Variants in LARGE1 observed in about 807,000 individuals in gnomAD.
LARGE1 encodes LARGE xylosyl- and glucuronyltransferase 1.
LARGE1 carries 43 observed loss-of-function variants against 87.6 expected under a neutral mutation model. The ratio of observed to expected loss-of-function variants is 0.49; its 90% CI spans 0.38 to 0.63. LARGE1 has a LOEUF of 0.63. Ranked by LOEUF, LARGE1 falls within the 30% of genes least tolerant of loss-of-function variation. The probability of loss-of-function intolerance (pLI) is 0.00; values close to 1 mark genes in which losing one functional copy is unlikely to be tolerated. For missense variants in LARGE1, 802 were observed against 1,000.2 expected (o/e 0.80, Z 2.67); for synonymous variants, 434 against 394.6 (o/e 1.10, Z -1.18).
intron 6 of LARGE1, among the ~76,000 whole-genome samples, chr22:33,560,477 C>T (rs956643668): frequency 6.6e-6 from 1 of 152,162 alleles, no homozygotes; most frequent in Non-Finnish European, 1.5e-5. Flanking sequence ...GGCATCTGTG[C>T]TTATGGATCA....
chr22:33,069,882 T>A, the LARGE1 span, among the ~76,000 whole-genome samples: 3 of 150,396 alleles, frequency 2.0e-5, no homozygotes, highest in East Asian at 5.9e-4. Flanking sequence ...CAATGGCGCG[T>A]TCTTGGCTCA....
At chr22:33,094,007 C>A in the LARGE1 span, among the ~76,000 whole-genome samples, 24 of 151,810 alleles carry the variant, frequency 1.6e-4, no homozygotes, top group African/African-American at 5.6e-4. Context: ...CTGCCTCGGT[C>A]TCCCAAAGTG....
chr22:33,071,129 C>T, the LARGE1 span, among the ~76,000 whole-genome samples: 1 of 152,204 alleles, frequency 6.6e-6, no homozygotes, highest in Non-Finnish European at 1.5e-5. Context: ...CAGCCTCTGA[C>T]AAATCCTGCA....
intron 6 of LARGE1, among the ~76,000 whole-genome samples, chr22:33,490,621 A>T (rs908182439): frequency 6.6e-6 from 1 of 152,208 alleles, no homozygotes; most frequent in Non-Finnish European, 1.5e-5. Flanking sequence ...AGTCAGATCA[A>T]TCTGATAGTG....
At chr22:33,597,185 C>T (rs1184504433) in intron 5 of LARGE1, among the ~76,000 whole-genome samples, 1 of 151,372 alleles carries the variant, frequency 6.6e-6, no homozygotes, top group African/African-American at 2.4e-5. Context: ...AGCCAGAAAA[C>T]CCAGATCCCA....
At chr22:33,848,680 C>G in intron 1 of LARGE1, among the ~76,000 whole-genome samples, 1 of 152,168 alleles carries the variant, frequency 6.6e-6, no homozygotes, top group Admixed American at 6.6e-5. Context: ...TATGCCTATC[C>G]CCCAATTAAA....
At chr22:33,083,362 C>A in the LARGE1 span, among the ~76,000 whole-genome samples, 1 of 152,322 alleles carries the variant, frequency 6.6e-6, no homozygotes, top group East Asian at 1.9e-4. Flanking sequence ...GGACTCCCTG[C>A]TGATGGAATT....
At chr22:33,428,472 C>T (rs1346478246) in intron 7 of LARGE1, among the ~76,000 whole-genome samples, 4 of 151,446 alleles carry the variant, frequency 2.6e-5, no homozygotes, top group Admixed American at 1.3e-4. Flanking sequence ...CACCACCATG[C>T]CCAGCTAATT....
intron 1 of LARGE1, among the ~76,000 whole-genome samples, chr22:33,914,330 G>A (rs2065723765): frequency 6.6e-6 from 1 of 152,106 alleles, no homozygotes; most frequent in Admixed American, 6.5e-5. Context: ...TCCCCTACAA[G>A]GTAATCTCCC....
intron 1 of LARGE1, among the ~76,000 whole-genome samples, chr22:33,889,689 C>T (rs1053296656): frequency 6.6e-6 from 1 of 152,148 alleles, no homozygotes; most frequent in Non-Finnish European, 1.5e-5. Context: ...GCAAGCAATA[C>T]TCACGGAGGC....
chr22:33,790,247 C>T (rs1175653877), intron 1 of LARGE1, among the ~76,000 whole-genome samples: 1 of 152,194 alleles, frequency 6.6e-6, no homozygotes, highest in Admixed American at 6.5e-5. Context: ...TGTTCATTCA[C>T]CTTCTGCCAT....
intron 5 of LARGE1, among the ~76,000 whole-genome samples, chr22:33,577,094 A>T (rs1193642510): frequency 1.3e-5 from 2 of 152,188 alleles, no homozygotes; most frequent in Non-Finnish European, 2.9e-5. Context: ...CGCAAGTGGA[A>T]AAAAAGATTT....
At chr22:33,727,333 C>T (rs938830191) in intron 2 of LARGE1, among the ~76,000 whole-genome samples, 3 of 152,200 alleles carry the variant, frequency 2.0e-5, no homozygotes, top group Non-Finnish European at 4.4e-5. Flanking sequence ...GTGATCCATT[C>T]ACCATCTGAT....
chr22:33,556,575 GC>G (rs2077695159), intron 6 of LARGE1, among the ~76,000 whole-genome samples: 1 of 60,616 alleles, frequency 1.6e-5, no homozygotes. Flanking sequence ...AGGCAGGCAG[GC>G]AGGCAGGCAG....
exon 12 of LARGE1, chr22:33,166,805 G>C (rs1356386065): frequency 2.1e-6 from 1 of 471,550 alleles, no homozygotes; most frequent in Non-Finnish European, 4.4e-6. Context: ...AGCTGATGAT[G>C]GGAGATAGGG....
intron 9 of LARGE1, among the ~76,000 whole-genome samples, chr22:33,356,994 A>G (rs1419358935): frequency 6.6e-6 from 1 of 152,222 alleles, no homozygotes; most frequent in Non-Finnish European, 1.5e-5. Context: ...CTACCATTCA[A>G]TCTCACAATC....
chr22:33,794,908 CCGTGCCCGG>C (rs144930439), intron 1 of LARGE1, among the ~76,000 whole-genome samples: 28,574 of 152,118 alleles, frequency 0.19, 3,304 homozygotes, highest in Admixed American at 0.33. Flanking sequence ...TCGTGAGTCA[CCGTGCCCGG>C]CCTTAAAATG....
At chr22:33,863,044 C>A (rs1208348860) in intron 1 of LARGE1, among the ~76,000 whole-genome samples, 1 of 152,132 alleles carries the variant, frequency 6.6e-6, no homozygotes, top group Admixed American at 6.5e-5. Flanking sequence ...GAATGTGTTG[C>A]AGAAAGCGGT....
intron 6 of LARGE1, among the ~76,000 whole-genome samples, chr22:33,507,065 T>C (rs188775810): frequency 2.3e-4 from 35 of 152,210 alleles, no homozygotes; most frequent in Admixed American, 7.2e-4. Flanking sequence ...GAATTGATGG[T>C]CATGATGGTG....
Sources: gnomAD v4.1 joint callset for allele counts (sites outside exome capture counted in the v4.1 genomes callset) on GRCh38, gnomAD v4.1.1 for gene constraint, MANE v1.5 for transcripts, NCBI Gene and HGNC (gene_info 2026-07-23, HGNC 2026-07-21) for gene names.